HYCC1: variants seen among roughly 807,000 people sequenced by gnomAD.
The protein encoded by HYCC1 is hyccin.
chr7:22,954,086 G>C, the HYCC1 span, among the ~76,000 whole-genome samples: 1 of 151,328 alleles, frequency 6.6e-6, no homozygotes, highest in Non-Finnish European at 1.5e-5. Flanking sequence ...TTAACTGTTA[G>C]CAACTTTATT....
the HYCC1 span, chr7:22,991,121 T>A: frequency 4.4e-6 from 7 of 1,608,880 alleles, no homozygotes; most frequent in Non-Finnish European, 6.0e-6. Flanking sequence ...TTTTTCCACA[T>A]CTGTTCTAAA....
the HYCC1 span, among the ~76,000 whole-genome samples, chr7:22,928,839 A>G: frequency 6.6e-5 from 10 of 151,864 alleles, no homozygotes; most frequent in African/African-American, 2.4e-4. Context: ...AAAAAAAACT[A>G]CTTTAAAGTT....
the HYCC1 span, among the ~76,000 whole-genome samples, chr7:22,965,187 A>C: frequency 6.6e-6 from 1 of 151,964 alleles, no homozygotes; most frequent in Admixed American, 6.6e-5. Flanking sequence ...ACTATTTGTC[A>C]TAAATAGATG....
the HYCC1 span, among the ~76,000 whole-genome samples, chr7:22,989,419 C>A: frequency 2.0e-5 from 3 of 152,178 alleles, no homozygotes; most frequent in Non-Finnish European, 2.9e-5. Flanking sequence ...GCCACCATAG[C>A]TCACTGCAAC....
the HYCC1 span, among the ~76,000 whole-genome samples, chr7:22,924,116 T>G: frequency 2.7e-5 from 4 of 148,566 alleles, no homozygotes; most frequent in Non-Finnish European, 5.9e-5. Context: ...GGGGTGAAAG[T>G]TGCAGTGAGG....
At chr7:22,945,581 G>A in the HYCC1 span, 32 of 1,582,374 alleles carry the variant, frequency 2.0e-5, no homozygotes, top group Admixed American at 3.3e-4. Flanking sequence ...AGAAAAATAT[G>A]TTACTAATTA....
At chr7:23,011,149 A>C in the HYCC1 span, among the ~76,000 whole-genome samples, 1 of 152,034 alleles carries the variant, frequency 6.6e-6, no homozygotes, top group African/African-American at 2.4e-5. Context: ...GCTAGCTACT[A>C]TTCCTCTAAC....
chr7:22,900,005 T>C, the HYCC1 span, among the ~76,000 whole-genome samples: 1 of 152,170 alleles, frequency 6.6e-6, no homozygotes. Flanking sequence ...ATTAAATCAC[T>C]CATTTGTAGA....
At chr7:22,995,353 AT>A in the HYCC1 span, among the ~76,000 whole-genome samples, 203 of 151,834 alleles carry the variant, frequency 1.3e-3, no homozygotes, top group African/African-American at 4.6e-3. Flanking sequence ...AATCTTGGTG[AT>A]TTTTTTTCTT....
the HYCC1 span, among the ~76,000 whole-genome samples, chr7:22,905,384 G>GTTTTTTTTTTTTT: frequency 1.6e-5 from 1 of 62,408 alleles, no homozygotes; most frequent in African/African-American, 6.7e-5. Flanking sequence ...GGCTAATTTT[G>GTTTTTTTTTTTTT]TATTTTTTTT....
chr7:22,920,258 G>A, the HYCC1 span, among the ~76,000 whole-genome samples: 3 of 151,986 alleles, frequency 2.0e-5, no homozygotes, highest in East Asian at 5.8e-4. Context: ...GAGGTGGAAG[G>A]ATCTCTTCAA....
chr7:22,900,295 C>G, the HYCC1 span, among the ~76,000 whole-genome samples: 1 of 152,246 alleles, frequency 6.6e-6, no homozygotes. Context: ...ATGACCTTGG[C>G]AGGCACTGAC....
the HYCC1 span, among the ~76,000 whole-genome samples, chr7:23,001,590 C>A: frequency 6.6e-6 from 1 of 152,012 alleles, no homozygotes; most frequent in Non-Finnish European, 1.5e-5. Flanking sequence ...AGGTTGAGAA[C>A]TATAGGGTAG....
the HYCC1 span, among the ~76,000 whole-genome samples, chr7:22,966,054 C>T: frequency 1.3e-5 from 2 of 151,974 alleles, no homozygotes; most frequent in Non-Finnish European, 2.9e-5. Flanking sequence ...AGAAACTAAA[C>T]ATAATGTTTT....
the HYCC1 span, chr7:22,941,846 GTT>G: frequency 6.6e-6 from 1 of 152,092 alleles, no homozygotes; most frequent in Non-Finnish European, 1.5e-5. Flanking sequence ...GGACTAGAGA[GTT>G]TTAATTTTTC....
chr7:23,004,951 A>G, the HYCC1 span, among the ~76,000 whole-genome samples: 89,011 of 151,852 alleles, frequency 0.59, 26,220 homozygotes, highest in Non-Finnish European at 0.61. Context: ...GACTACAAGC[A>G]CGTGCCACCA....
the HYCC1 span, chr7:22,978,484 A>G: frequency 6.5e-7 from 1 of 1,533,986 alleles, no homozygotes; most frequent in Non-Finnish European, 9.0e-7. Context: ...CAAGAACTGG[A>G]CTGTATTTGA....
At chr7:22,991,337 T>A in the HYCC1 span, among the ~76,000 whole-genome samples, 1 of 152,094 alleles carries the variant, frequency 6.6e-6, no homozygotes, top group African/African-American at 2.4e-5. Flanking sequence ...AGTATAAATA[T>A]CATAACATGA....
chr7:22,966,839 T>C, the HYCC1 span, among the ~76,000 whole-genome samples: 1 of 152,184 alleles, frequency 6.6e-6, no homozygotes, highest in Non-Finnish European at 1.5e-5. Context: ...CAGAACTTTT[T>C]AGAACCAAGA....
Sources: allele counts gnomAD v4.1 joint callset (sites outside exome capture counted in the v4.1 genomes callset), GRCh38; gene constraint gnomAD v4.1.1; transcripts MANE v1.5; gene names NCBI Gene and HGNC (gene_info 2026-07-23, HGNC 2026-07-21).